Variants in SMIM14 observed in about 807,000 individuals in gnomAD.
SMIM14 encodes chromosome 4 open reading frame 34.
Under a neutral mutation model 12.6 loss-of-function variants are expected in SMIM14, and 5 were observed. That is an observed-to-expected ratio of 0.40 (90% CI 0.21 to 0.83). The LOEUF is 0.83. Ranked by LOEUF, SMIM14 falls within the 40% of genes least tolerant of loss-of-function variation. The pLI is 0.37. For missense variants in SMIM14, 86 were observed against 119.1 expected (o/e 0.72, Z 1.29); for synonymous variants, 30 against 40.1 (o/e 0.75, Z 0.95).
chr4:39,555,502 G>A (rs1711965098), intron 4 of SMIM14, among the ~76,000 whole-genome samples: 1 of 152,170 alleles, frequency 6.6e-6, no homozygotes, highest in African/African-American at 2.4e-5. Flanking sequence ...CAAAGTGCTG[G>A]GATTGCAGGC....
At chr4:39,606,016 G>A (rs1193517720) in intron 1 of SMIM14, among the ~76,000 whole-genome samples, 1 of 151,924 alleles carries the variant, frequency 6.6e-6, no homozygotes, top group Non-Finnish European at 1.5e-5. Flanking sequence ...AGGATTACAA[G>A]TGTGAGCCAC....
rs570692121 is a variant in SMIM14, at chr4:39,621,497, G to A, written c.-35-16317C>T. Among the ~76,000 whole-genome samples the A allele has an allele frequency of 6.6e-5, 10 of 152,060 alleles. No individual in the cohort carries two copies. The South Asian group carries it at 1.7e-3, about 25-fold the overall frequency. ...ATACAAATCCAGATGTTAAAAAAACGTGCATGCCCTCTGAATAATTCCAGT... is the reference window on the plus strand; with the variant it reads ...ATACAAATCCAGATGTTAAAAAAACATGCATGCCCTCTGAATAATTCCAGT... On this transcript the variant is annotated intron_variant, in intron 1 of 4. Transcript: ENST00000295958.
chr4:39,588,488 A>G (rs961710812), intron 2 of SMIM14, among the ~76,000 whole-genome samples: 4 of 152,236 alleles, frequency 2.6e-5, no homozygotes, highest in African/African-American at 9.6e-5. Flanking sequence ...TATGTCTTCC[A>G]GTGCCTGCAT....
At chr4:39,570,154 CTTT>C (rs961186977) in intron 3 of SMIM14, among the ~76,000 whole-genome samples, 6 of 151,770 alleles carry the variant, frequency 4.0e-5, no homozygotes, top group Non-Finnish European at 7.4e-5. Flanking sequence ...GTTCATCTAT[CTTT>C]TTTTTGTTTT....
chr4:39,589,178 C>T (rs897093989), intron 2 of SMIM14, among the ~76,000 whole-genome samples: 4 of 152,200 alleles, frequency 2.6e-5, no homozygotes, highest in African/African-American at 7.2e-5. Context: ...CCTCTGCCTC[C>T]TGGGCTCAAG....
At chr4:39,573,726 T>G (rs2110009868) in intron 2 of SMIM14, among the ~76,000 whole-genome samples, 1 of 152,192 alleles carries the variant, frequency 6.6e-6, no homozygotes, top group African/African-American at 2.4e-5. Flanking sequence ...ATTCTATTTG[T>G]AGAAAATGCA....
intron 1 of SMIM14, among the ~76,000 whole-genome samples, chr4:39,614,120 G>A (rs1715129466): frequency 6.6e-6 from 1 of 150,498 alleles, no homozygotes; most frequent in Non-Finnish European, 1.5e-5. Flanking sequence ...AACCTGGGAG[G>A]GTTGTAGTGA....
intron 1 of SMIM14, among the ~76,000 whole-genome samples, chr4:39,616,098 G>C (rs139851186): frequency 0.018 from 2,783 of 152,212 alleles, 107 homozygotes; most frequent in African/African-American, 0.062. Flanking sequence ...ACAAGGAAGG[G>C]ACATCCCTGA....
chr4:39,578,146 G>A (rs554364423), intron 2 of SMIM14, among the ~76,000 whole-genome samples: 2 of 152,240 alleles, frequency 1.3e-5, no homozygotes, highest in Admixed American at 1.3e-4. Flanking sequence ...TTTAGTTCTG[G>A]GAATTTTGTT....
chr4:39,556,259 CAATT>C (rs1712008517), intron 4 of SMIM14, among the ~76,000 whole-genome samples, 165 bp downstream of exon 4: 1 of 152,034 alleles, frequency 6.6e-6, no homozygotes, highest in African/African-American at 2.4e-5. Context: ...ATTAAGCTGT[CAATT>C]AAATCTTGGA....
intron 1 of SMIM14, among the ~76,000 whole-genome samples, chr4:39,636,784 T>C (rs1206701155): frequency 7.2e-5 from 11 of 152,170 alleles, no homozygotes; most frequent in Non-Finnish European, 2.9e-5. Flanking sequence ...TATACACACC[T>C]ACGATAAAAT....
chr4:39,577,262 A>T (rs1180751870), intron 2 of SMIM14, among the ~76,000 whole-genome samples: 1 of 151,984 alleles, frequency 6.6e-6, no homozygotes, highest in African/African-American at 2.4e-5. Flanking sequence ...TTACTCACAC[A>T]CAATTGGTAA....
chr4:39,619,286 CAATA>C (rs1715352393), intron 1 of SMIM14, among the ~76,000 whole-genome samples: 1 of 80,646 alleles, frequency 1.2e-5, no homozygotes, highest in African/African-American at 5.4e-5. Flanking sequence ...TTCTATATAT[CAATA>C]AATATAATTT....
chr4:39,567,874 A>G (rs1321769227), intron 3 of SMIM14, among the ~76,000 whole-genome samples: 1 of 152,160 alleles, frequency 6.6e-6, no homozygotes, highest in Non-Finnish European at 1.5e-5. Flanking sequence ...CACTGCACTC[A>G]AGCCTGGGTG....
At position 39,547,089 on chromosome 4, in the gene SMIM14, CA is replaced by C. The variant is rs1327729711; in HGVS notation, c.*5036del. ...AGAAATGTGACTGCAATCTAATTTC[CA>C]AGAGAGAAACTCTACTTCTGAATAC... On this transcript the variant is annotated 3_prime_UTR_variant, in exon 5 of 5. Coordinates refer to ENST00000295958, the MANE Select transcript of SMIM14 (RefSeq NM_174921.3). 1.3e-5 allele frequency: 2 copies of C among 152,076 alleles called. No homozygotes were observed. Among genetic ancestry groups the C allele is most frequent in the South Asian group, 2.1e-4 (1 of 4,832 alleles). 9.4% of individuals were successfully genotyped at this position (152,076 alleles called of 1,614,324 possible).
Position 39,575,202 on chromosome 4 carries a change from C to T in SMIM14, c.76-2739G>A, listed in dbSNP as rs151104407. On this transcript the variant is annotated intron_variant, in intron 2 of 4. Coordinates refer to ENST00000295958, the MANE Select transcript of SMIM14 (RefSeq NM_174921.3). ...CCTCCCAAGTAGCTGGGACTACAGA[C>T]GCCACATTTTTGTATTTTTTGGTAG... Among the ~76,000 whole-genome samples, 13 of 150,700 alleles carry T rather than the reference C, an allele frequency of 8.6e-5. No individual in the cohort carries two copies. In the East Asian group the frequency reaches 2.0e-3, roughly 23 times the overall value.
At chr4:39,588,665 A>G (rs1713909781) in intron 2 of SMIM14, among the ~76,000 whole-genome samples, 1 of 152,084 alleles carries the variant, frequency 6.6e-6, no homozygotes, top group Non-Finnish European at 1.5e-5. Context: ...ATTCCATAGT[A>G]TCTAAAAACA....
At chr4:39,628,068 C>T (rs1016044075) in intron 1 of SMIM14, among the ~76,000 whole-genome samples, 3 of 151,034 alleles carry the variant, frequency 2.0e-5, no homozygotes, top group South Asian at 2.1e-4. Context: ...CAGCACTTTG[C>T]GGGGCCAAGG....
intron 1 of SMIM14, among the ~76,000 whole-genome samples, chr4:39,633,839 G>A (rs908591591): frequency 6.6e-6 from 1 of 152,188 alleles, no homozygotes; most frequent in African/African-American, 2.4e-5. Context: ...AATACAAAAG[G>A]AAGAAGAAAA....
Sources: allele counts gnomAD v4.1 joint callset (sites outside exome capture counted in the v4.1 genomes callset), GRCh38; gene constraint gnomAD v4.1.1; transcripts MANE v1.5; gene names NCBI Gene and HGNC (gene_info 2026-07-23, HGNC 2026-07-21).